Variants in PKHD1 observed in about 807,000 individuals in gnomAD.
PKHD1 encodes the protein PKHD1 ciliary IPT domain containing fibrocystin/polyductin, also known as fibrocystin.
Under a neutral mutation model 412.0 loss-of-function variants are expected in PKHD1, and 291 were observed. The observed-to-expected ratio is 0.71, with a 90% CI of 0.64 to 0.78. The LOEUF is 0.78. Ranked by LOEUF, PKHD1 falls within the 30% of genes least tolerant of loss-of-function variation. The pLI is 0.00. For missense variants in PKHD1, 4,825 were observed against 4,950.7 expected (o/e 0.97, Z 0.76); for synonymous variants, 1,777 against 1,821.5 (o/e 0.98, Z 0.62).
rs141145155 is a variant in PKHD1, at chr6:51,751,438, G to T, written c.8950+1763C>A. ...AAGAAAGTCTTGAGTTTAGTTCATG[G>T]TCATGTACCAATGTTAATGTCTTTG... On this transcript the variant is annotated intron_variant, in intron 57 of 66. Coordinates refer to ENST00000371117, the MANE Select transcript of PKHD1 (RefSeq NM_138694.4). Among the ~76,000 whole-genome samples the T allele has an allele frequency of 9.4e-3, 1,432 of 152,252 alleles. 23 individuals are homozygous for T. Among genetic ancestry groups the T allele is most frequent in the African/African-American group, 0.033 (1,357 of 41,554 alleles).
intron 60 of PKHD1, among the ~76,000 whole-genome samples, chr6:51,679,659 C>T (rs1012461501): frequency 6.6e-6 from 1 of 151,928 alleles, no homozygotes; most frequent in Non-Finnish European, 1.5e-5. Flanking sequence ...GGTAGAAATG[C>T]CAAGCAGGAT....
At chr6:51,910,905 T>C (rs570249920) in intron 39 of PKHD1, among the ~76,000 whole-genome samples, 2 of 152,144 alleles carry the variant, frequency 1.3e-5, no homozygotes, top group South Asian at 4.2e-4. Context: ...TTTACTCACA[T>C]GCACCTATAT....
rs147253751 is a variant in PKHD1 at position 51,992,545 on chromosome 6, A to G, written c.5751+17764T>C. 4.3e-3 allele frequency among the ~76,000 whole-genome samples: 660 copies of G among 152,308 alleles called. 3 individuals are homozygous for G. The highest frequency in any genetic ancestry group is 0.015 in the African/African-American group (615 of 41,564). ...TTTAAACGCTGGCATGGCTCTCCCA[A>G]TTTCCACACAATTTCCTTGTGGAGA... On this transcript the variant is annotated intron_variant, in intron 35 of 66. Coordinates refer to ENST00000371117, the MANE Select transcript of PKHD1 (RefSeq NM_138694.4).
intron 60 of PKHD1, among the ~76,000 whole-genome samples, chr6:51,692,847 A>G (rs1444281253): frequency 1.3e-5 from 2 of 151,954 alleles, no homozygotes; most frequent in African/African-American, 4.8e-5. Context: ...TGCCCCAATC[A>G]CTCTGTCAAC....
chr6:51,769,149 T>C (rs1789628072), intron 55 of PKHD1, among the ~76,000 whole-genome samples: 1 of 151,506 alleles, frequency 6.6e-6, no homozygotes, highest in South Asian at 2.1e-4. Flanking sequence ...TTTTGAGTTA[T>C]TTTAGTAGCT....
intron 60 of PKHD1, chr6:51,721,006 G>A: frequency 4.1e-6 from 4 of 983,722 alleles, no homozygotes; most frequent in Non-Finnish European, 4.8e-6. Context: ...AGGATAGAAA[G>A]GAAATGATAA....
At position 51,855,912 on chromosome 6, in the gene PKHD1, C is replaced by G; in HGVS notation, c.7892G>C (p.Trp2631Ser). 6.2e-7 allele frequency: 1 copy of G among 1,613,734 alleles called. No individual in the cohort carries two copies. Among genetic ancestry groups the G allele is most frequent in the Non-Finnish European group, 8.5e-7 (1 of 1,179,686 alleles). The change falls in exon 49 of 67, where the codon TGG (tryptophan) becomes TCG (serine). Residue 2631 changes from tryptophan to serine, a missense_variant. Transcript: ENST00000371117. Reference protein sequence around the residue: ...ETYSLQSENLWINRSLQYSAT... With the variant: ...ETYSLQSENLSINRSLQYSAT... ...GGTTACCTGCAGAGATCTGTTGATCCAAAGGTTCTCAGATTGCAATGAGTA... is the reference window on the plus strand; with the variant it reads ...GGTTACCTGCAGAGATCTGTTGATCGAAAGGTTCTCAGATTGCAATGAGTA...
intron 60 of PKHD1, among the ~76,000 whole-genome samples, chr6:51,692,341 T>C (rs1778274750): frequency 6.6e-6 from 1 of 151,860 alleles, no homozygotes; most frequent in East Asian, 1.9e-4. Context: ...ATTTCCAACC[T>C]TAATTGAGCC....
chr6:51,835,097 A>T (rs143799331), intron 51 of PKHD1, among the ~76,000 whole-genome samples: 31 of 152,334 alleles, frequency 2.0e-4, no homozygotes, highest in African/African-American at 7.5e-4. Flanking sequence ...TGTAATTGAC[A>T]GTTGTAATGC....
At chr6:51,855,223 G>T (rs1183612953) in intron 49 of PKHD1, among the ~76,000 whole-genome samples, 3 of 152,316 alleles carry the variant, frequency 2.0e-5, no homozygotes, top group South Asian at 4.1e-4. Flanking sequence ...CCTTCTCTCC[G>T]TGGGTCACGC....
intron 35 of PKHD1, among the ~76,000 whole-genome samples, chr6:51,961,757 T>C (rs184768599): frequency 2.6e-5 from 4 of 152,220 alleles, no homozygotes; most frequent in Admixed American, 2.6e-4. Flanking sequence ...TTATCTGTAG[T>C]GTCAGCTGCG....
chr6:51,888,376 C>A (rs970917469), intron 43 of PKHD1, among the ~76,000 whole-genome samples: 1 of 152,070 alleles, frequency 6.6e-6, no homozygotes. Context: ...GAAGTACCTA[C>A]AATATGTTCA....
chr6:51,701,631 C>CT (rs1779408960), intron 60 of PKHD1, among the ~76,000 whole-genome samples: 2 of 151,916 alleles, frequency 1.3e-5, no homozygotes, highest in Non-Finnish European at 2.9e-5. Context: ...TCATTCAGCC[C>CT]TATGCAAAGT....
At chr6:52,045,251 T>C (rs564434566) in intron 24 of PKHD1, among the ~76,000 whole-genome samples, 163 bp from the exon 25 acceptor site, 13 of 152,262 alleles carry the variant, frequency 8.5e-5, no homozygotes, top group Non-Finnish European at 1.8e-4. Context: ...TAACAGTAAA[T>C]AATGGCTGAG....
At chr6:51,872,210 T>C (rs9367464) in intron 46 of PKHD1, among the ~76,000 whole-genome samples, 1 of 151,712 alleles carries the variant, frequency 6.6e-6, no homozygotes, top group Non-Finnish European at 1.5e-5. Flanking sequence ...AATTGAAGAA[T>C]ACTGTGCAGA....
rs564456613 is a variant in PKHD1 at position 51,891,265 on chromosome 6, G to GT, written c.6997-4021dup. ...GGAAAACTTCAGGTTTTGGGGTTTTGTTTTTTTGTTTGTTTGTTTGTTTTC... is the reference window on the plus strand; with the variant it reads ...GGAAAACTTCAGGTTTTGGGGTTTTGTTTTTTTTGTTTGTTTGTTTGTTTTC... On this transcript the variant is annotated intron_variant, in intron 43 of 66. Transcript: ENST00000371117. 7.8e-3 allele frequency among the ~76,000 whole-genome samples: 1,191 copies of GT among 152,142 alleles called. 15 individuals carry two copies. The highest frequency in any genetic ancestry group is 0.026 in the African/African-American group (1,079 of 41,532).
chr6:51,855,796 G>C (rs560167289), intron 49 of PKHD1, 97 bp downstream of exon 49: 1 of 963,770 alleles, frequency 1.0e-6, no homozygotes, highest in Non-Finnish European at 1.7e-6. Flanking sequence ...TTTCAATAAC[G>C]AGATAACCTG....
chr6:51,942,952 T>A (rs1788810114), intron 36 of PKHD1, among the ~76,000 whole-genome samples: 1 of 151,636 alleles, frequency 6.6e-6, no homozygotes, highest in African/African-American at 2.4e-5. Flanking sequence ...TTACTCAACA[T>A]GCCCCAAGTC....
chr6:51,829,220 G>T (rs1483467566), intron 52 of PKHD1, among the ~76,000 whole-genome samples: 3 of 151,992 alleles, frequency 2.0e-5, no homozygotes, highest in African/African-American at 7.3e-5. Flanking sequence ...GAGAATTCAG[G>T]CCCATCCTAT....
Sources: gnomAD v4.1 joint callset for allele counts (sites outside exome capture counted in the v4.1 genomes callset) on GRCh38, gnomAD v4.1.1 for gene constraint, MANE v1.5 for transcripts, NCBI Gene and HGNC (gene_info 2026-07-23, HGNC 2026-07-21) for gene names.